Variants in EPHX2 observed in about 807,000 individuals in gnomAD.
EPHX2 encodes the protein epoxide hydrolase 2.
A neutral mutation model predicts 78.7 loss-of-function variants in EPHX2; 74 were observed. The ratio of observed to expected loss-of-function variants is 0.94; its 90% confidence interval spans 0.78 to 1.14. The LOEUF is 1.14. Ranked by LOEUF, EPHX2 falls within the 50% of genes most tolerant of loss-of-function variation. The pLI is 0.00. For missense variants in EPHX2, 715 were observed against 702.5 expected (o/e 1.02, Z -0.20); for synonymous variants, 251 against 255.2 (o/e 0.98, Z 0.16).
At chr8:27,527,460 A>G (rs1814890018) in intron 12 of EPHX2, among the ~76,000 whole-genome samples, 5 of 152,128 alleles carry the variant, frequency 3.3e-5, no homozygotes, top group South Asian at 2.1e-4. Flanking sequence ...CCACATGTAC[A>G]TTGTTGTGCA....
intron 5 of EPHX2, among the ~76,000 whole-genome samples, chr8:27,511,551 GAA>G (rs1452362014): frequency 4.6e-5 from 7 of 152,210 alleles, no homozygotes; most frequent in Non-Finnish European, 8.8e-5. Context: ...GGAATGTAGA[GAA>G]TCATTTGGGG....
intron 12 of EPHX2, among the ~76,000 whole-genome samples, chr8:27,532,534 A>G (rs1815079888): frequency 1.3e-5 from 2 of 152,114 alleles, no homozygotes; most frequent in Admixed American, 1.3e-4. Context: ...GATGTTCAAA[A>G]TCAGGGTCTC....
chr8:27,539,563 T>G (rs940105424), intron 14 of EPHX2, among the ~76,000 whole-genome samples: 1 of 152,008 alleles, frequency 6.6e-6, no homozygotes, highest in Non-Finnish European at 1.5e-5. Context: ...CCCTTATTCC[T>G]TCACACCGTC....
At chr8:27,492,393 C>G (rs1231583619) in intron 1 of EPHX2, among the ~76,000 whole-genome samples, 3 of 152,128 alleles carry the variant, frequency 2.0e-5, no homozygotes, top group Non-Finnish European at 4.4e-5. Flanking sequence ...CATGTAGCCC[C>G]AGCTACTTGG....
chr8:27,535,039 C>T (rs1815167839), intron 12 of EPHX2, among the ~76,000 whole-genome samples: 1 of 152,138 alleles, frequency 6.6e-6, no homozygotes, highest in Non-Finnish European at 1.5e-5. Context: ...AACAGTTCAG[C>T]TGATGTTTGG....
downstream of EPHX2, among the ~76,000 whole-genome samples, chr8:27,548,611 A>G (rs1340477370): frequency 3.3e-5 from 5 of 152,192 alleles, no homozygotes; most frequent in Non-Finnish European, 4.4e-5. Flanking sequence ...AATAAATTGG[A>G]GAGTATATGC....
intron 6 of EPHX2, among the ~76,000 whole-genome samples, chr8:27,513,813 AAC>A (rs1419962064): frequency 6.6e-6 from 1 of 152,070 alleles, no homozygotes; most frequent in African/African-American, 2.4e-5. Context: ...TCTGTGCTAG[AAC>A]ACAGGCGAAC....
chr8:27,500,837 G>A, intron 1 of EPHX2, 89 bp from the exon 2 acceptor site: 1 of 1,190,718 alleles, frequency 8.4e-7, no homozygotes, highest in Non-Finnish European at 1.2e-6. Context: ...TCTAGTGGCT[G>A]CTTCTCAATG....
Position 27,505,001 on chromosome 8 carries a change from C to T in EPHX2, c.392C>T (p.Ala131Val), listed in dbSNP as rs773687108. 6.2e-7 allele frequency: 1 copy of T among 1,614,130 alleles called. No homozygotes were observed. The highest frequency in any genetic ancestry group is 8.5e-7 in the Non-Finnish European group (1 of 1,180,024). The change falls in exon 4 of 19, where the codon GCT becomes GTT. Residue 131 changes from alanine (A) to valine (V), a missense_variant. Transcript: ENST00000521400. ...ILTNTWLDDR[A>V]ERDGLAQLMC... is the part of the protein sequence containing the mutation. ...ACCAACACCTGGCTGGACGACCGTG[C>T]TGAGAGAGATGGCCTGGCCCAGCTG...
At chr8:27,511,375 A>G (rs1420971960) in intron 5 of EPHX2, among the ~76,000 whole-genome samples, 2 of 152,250 alleles carry the variant, frequency 1.3e-5, no homozygotes, top group Non-Finnish European at 2.9e-5. Context: ...TCTCTCGCTT[A>G]GAGCAAGTGA....
chr8:27,501,324 T>TTTCTTCCTCTTCTTCTTCTTC (rs1378699940), intron 2 of EPHX2, among the ~76,000 whole-genome samples: 1 of 102,914 alleles, frequency 9.7e-6, no homozygotes, highest in Non-Finnish European at 2.0e-5. Context: ...TGCTATATAT[T>TTTCTTCCTCTTCTTCTTCTTC]TTCTTCTTCT....
chr8:27,548,008 G>A (rs1335339677), downstream of EPHX2, among the ~76,000 whole-genome samples: 1 of 152,170 alleles, frequency 6.6e-6, no homozygotes, highest in Non-Finnish European at 1.5e-5. Context: ...AAGAGGTCCA[G>A]CAGTCTTCAT....
rs145433864 is a variant in EPHX2, at chr8:27,505,193, G to A, written c.537+47G>A. On this transcript the variant is annotated intron_variant, in intron 4 of 18. Transcript: ENST00000521400. ...GCAGAGAAGGATGTTCAGAGATATTGCAACCAGGGAAAAACTGAGGAGTGA... is the reference window on the plus strand; with the variant it reads ...GCAGAGAAGGATGTTCAGAGATATTACAACCAGGGAAAAACTGAGGAGTGA... 113 of 1,595,246 alleles carry A rather than the reference G, an allele frequency of 7.1e-5. No homozygotes were observed. In the African/African-American group the frequency reaches 1.3e-3, roughly 18 times the overall value.
chr8:27,511,013 G>A (rs1814219791), intron 5 of EPHX2, among the ~76,000 whole-genome samples: 1 of 152,116 alleles, frequency 6.6e-6, no homozygotes, highest in Admixed American at 6.6e-5. Context: ...GGACACAAGG[G>A]AAAGACCATG....
Position 27,500,274 on chromosome 8 carries a change from CA to C in EPHX2, c.102-650del, listed in dbSNP as rs372011551. 9.9e-5 allele frequency among the ~76,000 whole-genome samples: 15 copies of C among 152,240 alleles called. No individual in the cohort carries two copies. The South Asian group carries it at 2.3e-3, about 23-fold the overall frequency. ...CCTCTTCTCTCTCTTCCTCCTGCTC[CA>C]ACCATGTAACACGTGCCTTGCTTCC... On this transcript the variant is annotated intron_variant, in intron 1 of 18. Transcript: ENST00000521400.
rs374438022 is a variant in EPHX2 at position 27,495,573 on chromosome 8, G to A, written c.101+4264G>A. ...ACACAAGCGCCTGGTATCTAAGCAG[G>A]CAGTTGTCTGACAGCCATAAATTTC... On this transcript the variant is annotated intron_variant, in intron 1 of 18. Transcript: ENST00000521400. 3.9e-5 allele frequency among the ~76,000 whole-genome samples: 6 copies of A among 152,268 alleles called. No homozygotes were observed. In the East Asian group the frequency reaches 1.2e-3, roughly 29 times the overall value.
chr8:27,524,427 C>T (rs1305451082), intron 11 of EPHX2, among the ~76,000 whole-genome samples: 5 of 152,140 alleles, frequency 3.3e-5, no homozygotes, highest in South Asian at 2.1e-4. Context: ...GACTGCAACT[C>T]GGATCCACCC....
At chr8:27,495,274 T>C (rs1276508176) in intron 1 of EPHX2, among the ~76,000 whole-genome samples, 1 of 152,228 alleles carries the variant, frequency 6.6e-6, no homozygotes, top group Non-Finnish European at 1.5e-5. Context: ...AAGGCTCAGG[T>C]AAGCACCACT....
In EPHX2 at chr8:27,506,893, G is replaced by A. The variant is rs776634591; in HGVS notation, c.559G>A (p.Gly187Arg). The stretch of plus-strand genomic sequence containing the variant: ...TCAGGTCGTTTTTTTGGATGACATC[G>A]GGGCTAATCTGAAGCCAGCCCGTGA... ...PSEVVFLDDI[G>R]ANLKPARDLG... The change falls in exon 5 of 19, where the codon GGG (glycine) becomes AGG (arginine). Residue 187 changes from glycine (G) to arginine (R), a missense_variant. Transcript: ENST00000521400. 6.8e-6 allele frequency: 11 copies of A among 1,613,814 alleles called. No individual in the cohort carries two copies. Among genetic ancestry groups the A allele is most frequent in the Admixed American group, 5.0e-5 (3 of 59,978 alleles).
Sources: allele counts gnomAD v4.1 joint callset (sites outside exome capture counted in the v4.1 genomes callset), GRCh38; gene constraint gnomAD v4.1.1; transcripts MANE v1.5; gene names NCBI Gene and HGNC (gene_info 2026-07-23, HGNC 2026-07-21).